Variants in HCRTR2 observed in about 807,000 individuals in gnomAD.
HCRTR2 encodes hypocretin receptor 2.
Under a neutral mutation model 49.0 loss-of-function variants are expected in HCRTR2, and 22 were observed. The ratio of observed to expected loss-of-function variants is 0.45; its 90% CI spans 0.32 to 0.64. HCRTR2 has a LOEUF of 0.64. Ranked by LOEUF, HCRTR2 falls within the 30% of genes least tolerant of loss-of-function variation. The pLI is 0.04. For missense variants in HCRTR2, 491 were observed against 559.4 expected, an observed-to-expected ratio of 0.88 and a Z score of 1.23; for synonymous variants, 236 against 205.3, an observed-to-expected ratio of 1.15 and a Z score of -1.28.
At chr6:55,119,828 G>T (rs1246802185) in intron 1 of HCRTR2, among the ~76,000 whole-genome samples, 1 of 151,938 alleles carries the variant, frequency 6.6e-6, no homozygotes, top group Non-Finnish European at 1.5e-5. Context: ...TGGTGTTGTA[G>T]ACATGAAGTC....
intron 1 of HCRTR2, among the ~76,000 whole-genome samples, chr6:55,186,742 A>G (rs1765222326): frequency 6.6e-6 from 1 of 152,228 alleles, no homozygotes; most frequent in South Asian, 2.1e-4. Flanking sequence ...GAGGTGAAAC[A>G]GCTGTGACAG....
chr6:55,174,398 G>T, upstream of HCRTR2: 3 of 639,004 alleles, frequency 4.7e-6, no homozygotes, highest in Non-Finnish European at 8.5e-6. Context: ...TGTAAAGACA[G>T]CAAAGCCACC....
intron 1 of HCRTR2, among the ~76,000 whole-genome samples, chr6:55,133,673 CTAT>C (rs768566053): frequency 4.3e-5 from 6 of 138,456 alleles, no homozygotes; most frequent in Non-Finnish European, 8.0e-5. Flanking sequence ...ATCTATCTAT[CTAT>C]CTATCTATCT....
upstream of HCRTR2, among the ~76,000 whole-genome samples, chr6:55,170,734 T>TA (rs1554169502): frequency 1.5e-3 from 161 of 107,326 alleles, 8 homozygotes; most frequent in South Asian, 0.041. Flanking sequence ...CCCTCCCCCC[T>TA]CCCCCACCCC....
intron 1 of HCRTR2, among the ~76,000 whole-genome samples, chr6:55,160,091 G>T (rs978601672): frequency 6.6e-6 from 1 of 152,164 alleles, no homozygotes; most frequent in African/African-American, 2.4e-5. Flanking sequence ...CAGAGAGAAA[G>T]GTCGGGTTAC....
chr6:55,207,673 TAAACACTTCAAA>T (rs1765624557), intron 1 of HCRTR2, among the ~76,000 whole-genome samples: 1 of 152,190 alleles, frequency 6.6e-6, no homozygotes, highest in Non-Finnish European at 1.5e-5. Context: ...TATAACCTCC[TAAACACTTCAAA>T]TGTTTAAGCA....
intron 1 of HCRTR2, among the ~76,000 whole-genome samples, chr6:55,234,824 G>T (rs1171018480): frequency 6.6e-6 from 1 of 152,116 alleles, no homozygotes; most frequent in African/African-American, 2.4e-5. Context: ...CATACTCTAT[G>T]ATAGCAATTT....
chr6:55,159,725 G>T (rs961862921), intron 1 of HCRTR2, among the ~76,000 whole-genome samples: 1 of 152,018 alleles, frequency 6.6e-6, no homozygotes, highest in Admixed American at 6.6e-5. Flanking sequence ...ATCAAGCAAA[G>T]AAAAGAATAT....
At chr6:55,137,540 G>A (rs543935157) in intron 1 of HCRTR2, among the ~76,000 whole-genome samples, 2 of 152,252 alleles carry the variant, frequency 1.3e-5, no homozygotes, top group South Asian at 2.1e-4. Context: ...CAGACAGGTA[G>A]GGCTGTGATT....
chr6:55,270,608 C>T (rs182597029), intron 4 of HCRTR2, among the ~76,000 whole-genome samples: 1 of 152,148 alleles, frequency 6.6e-6, no homozygotes, highest in East Asian at 1.9e-4. Context: ...TGTGACAGGT[C>T]GTGTCAAAAG....
intron 1 of HCRTR2, among the ~76,000 whole-genome samples, chr6:55,111,313 C>T (rs1251102539): frequency 2.0e-5 from 3 of 151,756 alleles, no homozygotes; most frequent in African/African-American, 7.3e-5. Context: ...AAAGAAATAA[C>T]AAAGATCTGA....
chr6:55,116,393 C>G (rs993736008), intron 1 of HCRTR2, among the ~76,000 whole-genome samples: 1 of 151,188 alleles, frequency 6.6e-6, no homozygotes, highest in Non-Finnish European at 1.5e-5. Context: ...TATTTTTCAT[C>G]ACTGGTTTTT....
At chr6:55,126,605 G>A (rs1764281884) in intron 1 of HCRTR2, among the ~76,000 whole-genome samples, 2 of 152,226 alleles carry the variant, frequency 1.3e-5, no homozygotes, top group African/African-American at 4.8e-5. Context: ...CTGCCCCTTA[G>A]CAGAGCTCGA....
At chr6:55,220,885 TCA>T (rs1165007790) in intron 1 of HCRTR2, among the ~76,000 whole-genome samples, 1 of 152,098 alleles carries the variant, frequency 6.6e-6, no homozygotes, top group African/African-American at 2.4e-5. Flanking sequence ...AATGCAAAAA[TCA>T]GTTATGTTTC....
chr6:55,283,319 A>G (rs1030020815), downstream of HCRTR2, among the ~76,000 whole-genome samples: 1 of 152,234 alleles, frequency 6.6e-6, no homozygotes, highest in East Asian at 1.9e-4. Context: ...ACATGTTGAC[A>G]GAGTGCAAGG....
At chr6:55,243,443 C>T (rs1214363231) in intron 1 of HCRTR2, among the ~76,000 whole-genome samples, 3 of 152,110 alleles carry the variant, frequency 2.0e-5, no homozygotes, top group African/African-American at 7.2e-5. Context: ...GAATTGAGAA[C>T]CATAGCCTAC....
At chr6:55,145,907 A>G (rs1046530722) in intron 1 of HCRTR2, among the ~76,000 whole-genome samples, 2 of 152,086 alleles carry the variant, frequency 1.3e-5, no homozygotes, top group Non-Finnish European at 2.9e-5. Flanking sequence ...TACTCATCAT[A>G]TAAGTTGTAA....
chr6:55,231,516 T>C (rs1193345975), intron 1 of HCRTR2, among the ~76,000 whole-genome samples: 1 of 152,148 alleles, frequency 6.6e-6, no homozygotes, highest in Admixed American at 6.5e-5. Context: ...ACTTGCATTT[T>C]TTTTTAGGAA....
chr6:55,201,874 G>A (rs1242281729), intron 1 of HCRTR2, among the ~76,000 whole-genome samples: 1 of 152,128 alleles, frequency 6.6e-6, no homozygotes, highest in African/African-American at 2.4e-5. Flanking sequence ...ACTATTAACA[G>A]CTACTTACAT....
Sources: allele counts gnomAD v4.1 joint callset (sites outside exome capture counted in the v4.1 genomes callset), GRCh38; gene constraint gnomAD v4.1.1; transcripts MANE v1.5; gene names NCBI Gene and HGNC (gene_info 2026-07-23, HGNC 2026-07-21).